BTNL9: variants seen among roughly 807,000 people sequenced by gnomAD.
BTNL9 encodes butyrophilin like 9, also known as butyrophilin-like protein 9.
A neutral mutation model predicts 45.8 loss-of-function variants in BTNL9; 45 were observed. The observed-to-expected ratio is 0.98, with a 90% CI of 0.77 to 1.26. BTNL9 has a LOEUF of 1.26. BTNL9 is among the 50% of genes most tolerant of loss of function. The pLI, the probability that BTNL9 is intolerant of heterozygous loss-of-function variation, is 0.00. For synonymous variants in BTNL9, 346 were observed against 330.8 expected, an observed-to-expected ratio of 1.05 and a Z score of -0.50; for missense variants, 784 against 729.7, an observed-to-expected ratio of 1.07 and a Z score of -0.86.
At chr5:181,052,276 G>A (rs1336539103) in intron 4 of BTNL9, among the ~76,000 whole-genome samples, 1 of 152,224 alleles carries the variant, frequency 6.6e-6, no homozygotes, top group Non-Finnish European at 1.5e-5. Flanking sequence ...GAGGAGTCAA[G>A]TCCACAGGGA....
In BTNL9 at chr5:181,053,267, C is replaced by T. The variant is rs770943149; in HGVS notation, c.804C>T (p.Val268=). ...AFVATLPLLL[V]LAALALGVLR... is the part of the protein sequence containing the mutation. The stretch of plus-strand genomic sequence containing the variant: ...TCGCGACCCTGCCGCTGCTGTTGGT[C>T]CTCGCGGCGCTGGCGCTGGGCGTCC... The change falls in exon 5 of 11, where the codon GTC becomes GTT. Residue 268 remains valine, a synonymous_variant. Coordinates refer to ENST00000327705, the MANE Select transcript of BTNL9 (RefSeq NM_152547.5). This position sits in a 1 kb window ranked among gnomAD's most constrained non-coding sequence, Gnocchi z 6.5. 6.3e-7 allele frequency: 1 copy of T among 1,587,676 alleles called. No homozygotes were observed. Among genetic ancestry groups the T allele is most frequent in the Non-Finnish European group, 8.6e-7 (1 of 1,168,350 alleles).
Position 181,045,570 on chromosome 5 carries a change from C to G in BTNL9, c.81C>G (p.Leu27=), listed in dbSNP as rs138527915. ...TSSLVFLMHL[L]LLQPGEPSSE... ...GTCTTGTCTTCCTCATGCACCTCCT[C>G]CTCCTTCAGCCTGGGGAGCCGAGCT... is the stretch of plus-strand genomic sequence containing the variant. Residue 27 remains leucine (L), a synonymous_variant, in exon 2 of 11, where the codon CTC becomes CTG. Transcript: ENST00000327705. 9.7e-5 allele frequency: 157 copies of G among 1,612,642 alleles called. No individual in the cohort carries two copies. The African/African-American group carries it at 1.7e-3, about 18-fold the overall frequency.
At position 181,048,290 on chromosome 5, in the gene BTNL9, G is replaced by C; in HGVS notation, c.454+19G>C. 1.3e-6 allele frequency: 2 copies of C among 1,579,632 alleles called. No homozygotes were observed. Among genetic ancestry groups the C allele is most frequent in the Non-Finnish European group, 1.7e-6 (2 of 1,154,402 alleles). On this transcript the variant is annotated intron_variant, in intron 3 of 10. Coordinates refer to ENST00000327705, the MANE Select transcript of BTNL9 (RefSeq NM_152547.5). ...GTAGCAGGTGCGTGGACTGACCTAA[G>C]GCCCTGCAGAGGAGAGGGAGATCCA...
chr5:181,047,569 AT>A, intron 2 of BTNL9: 1 of 907,858 alleles, frequency 1.1e-6, no homozygotes, highest in Non-Finnish European at 1.3e-6. Context: ...TTAAGATAAT[AT>A]TCTACAGATT....
intron 3 of BTNL9, among the ~76,000 whole-genome samples, chr5:181,048,906 TATATA>T (rs1761380711): frequency 1.4e-5 from 1 of 70,378 alleles, no homozygotes; most frequent in Admixed American, 1.6e-4. Context: ...TATATAAATA[TATATA>T]ATATAAAAAT....
In BTNL9 at chr5:181,047,934, G is replaced by T; in HGVS notation, c.117G>T (p.Lys39Asn). The change falls in exon 3 of 11, where the codon AAG becomes AAT. Residue 39 changes from lysine (K) to asparagine (N), a missense_variant. Physicochemically the swap from Lys to Asn is moderately conservative, Grantham distance 94. Coordinates refer to ENST00000327705, the MANE Select transcript of BTNL9 (RefSeq NM_152547.5). Reference sequence around the variant, plus strand: ...TCTGACTTGTCATCCTAGAGGTCAAGGTGCTAGGCCCTGAGTATCCCATCC... The same window carrying T: ...TCTGACTTGTCATCCTAGAGGTCAATGTGCTAGGCCCTGAGTATCCCATCC... ...LQPGEPSSEV[K>N]VLGPEYPILA... is the part of the protein sequence containing the mutation. 1 of 1,612,928 alleles carries T rather than the reference G, an allele frequency of 6.2e-7. No homozygotes were observed. The highest frequency in any genetic ancestry group is 8.5e-7 in the Non-Finnish European group (1 of 1,179,248).
At chr5:181,048,754 G>T (rs1310763608) in intron 3 of BTNL9, among the ~76,000 whole-genome samples, 6 of 74,408 alleles carry the variant, frequency 8.1e-5, no homozygotes, top group Non-Finnish European at 1.7e-4. Flanking sequence ...TATATATATA[G>T]ATATAGATAT....
Position 181,060,116 on chromosome 5 carries a change from A to G in BTNL9, c.*254A>G. On this transcript the variant is annotated 3_prime_UTR_variant, in exon 11 of 11. Coordinates refer to ENST00000327705, the MANE Select transcript of BTNL9 (RefSeq NM_152547.5). Reference sequence around the variant, plus strand: ...GTACAAATATATCCACGTCGCTCAGAGCTGGGGTGCTCACGGTGGGCGGTG... The same window carrying G: ...GTACAAATATATCCACGTCGCTCAGGGCTGGGGTGCTCACGGTGGGCGGTG... The G allele has an allele frequency of 2.2e-6, 1 of 463,178 alleles. No individual in the cohort carries two copies. Among genetic ancestry groups the G allele is most frequent in the South Asian group, 5.3e-5 (1 of 18,796 alleles). The allele number at this position is 463,178 out of a possible 1,614,324, so 28.7% of individuals were successfully genotyped here.
At chr5:181,047,902 T>C (rs1258698761) in intron 2 of BTNL9, 25 bp from the exon 3 acceptor site, 1 of 1,594,260 alleles carries the variant, frequency 6.3e-7, no homozygotes, top group Non-Finnish European at 8.6e-7. Flanking sequence ...GGGTTGCTTT[T>C]GCCTGTTCTG....
intron 2 of BTNL9, chr5:181,047,469 C>T: frequency 1.0e-6 from 1 of 988,858 alleles, no homozygotes; most frequent in Non-Finnish European, 1.2e-6. Flanking sequence ...TATCTATTCT[C>T]ATCATGCAGA....
At chr5:181,048,805 A>ATAT (rs1761356720) in intron 3 of BTNL9, among the ~76,000 whole-genome samples, 5 of 35,554 alleles carry the variant, frequency 1.4e-4, no homozygotes, top group Non-Finnish European at 3.2e-4. Context: ...TATATATTAT[A>ATAT]TAATTATATT....
chr5:181,040,807 G>T (rs1169381322), intron 1 of BTNL9, among the ~76,000 whole-genome samples: 1 of 152,240 alleles, frequency 6.6e-6, no homozygotes, highest in Non-Finnish European at 1.5e-5. Context: ...GTCTGCCGGG[G>T]GGAAGGGCAT....
At position 181,055,860 on chromosome 5, in the gene BTNL9, A is replaced by C. The variant is rs1337590860; in HGVS notation, c.929-129A>C. ...CATCTCCCAACCAGGTATGATGCCC[A>C]GGCAGGACCCCTGCTGGCTATGTGG... is the stretch of plus-strand genomic sequence containing the variant. On this transcript the variant is annotated intron_variant, in intron 8 of 10. Transcript: ENST00000327705. This position sits in a 1 kb window ranked among gnomAD's most constrained non-coding sequence, Gnocchi z 4.4. 9.4e-7 allele frequency: 1 copy of C among 1,058,284 alleles called. No individual in the cohort carries two copies. Among genetic ancestry groups the C allele is most frequent in the Non-Finnish European group, 1.5e-6 (1 of 673,282 alleles). 65.6% of individuals were successfully genotyped at this position (1,058,284 alleles called of 1,614,324 possible). A position where few individuals can be genotyped will look rare whatever the true frequency, so the allele number is the denominator to read the frequency against.
At chr5:181,045,862 A>G (rs1761098152) in intron 2 of BTNL9, among the ~76,000 whole-genome samples, 1 of 101,104 alleles carries the variant, frequency 9.9e-6, no homozygotes, top group Admixed American at 9.7e-5. Flanking sequence ...CCCAGCCTGT[A>G]GTGTTCCTCC....
At chr5:181,057,166 T>C (rs1761927928) in intron 9 of BTNL9, 1 of 152,218 alleles carries the variant, frequency 6.6e-6, no homozygotes, top group African/African-American at 2.4e-5. Flanking sequence ...ACATAATCCA[T>C]CAACTTTTTC....
chr5:181,048,010 C>G lies in BTNL9; in HGVS notation c.193C>G (p.Leu65Val), dbSNP rs535507447. 4.2e-5 allele frequency: 67 copies of G among 1,613,714 alleles called. No individual in the cohort carries two copies. In the Middle Eastern group the frequency reaches 6.6e-4, roughly 16 times the overall value. ...VEFPCHLWPQ[L>V]DAQQMEIRWF... is the part of the protein sequence containing the mutation. ...GTTCCCGTGCCACCTATGGCCACAG[C>G]TGGATGCCCAGCAAATGGAGATCCG... Residue 65 changes from leucine (L) to valine (V), a missense_variant, in exon 3 of 11, where the codon CTG becomes GTG. Transcript: ENST00000327705.
intron 7 of BTNL9, 37 bp downstream of exon 7, chr5:181,054,296 A>C: frequency 6.2e-7 from 1 of 1,608,050 alleles, no homozygotes. Context: ...GCTGCCTGTC[A>C]GCCGGACCCT....
At chr5:181,052,991 C>T (rs574112212) in intron 4 of BTNL9, 1,996 of 136,002 alleles carry the variant, frequency 0.015, 51 homozygotes, top group African/African-American at 0.056. Flanking sequence ...TCCCGCACGC[C>T]CCGCGGCGCG....
In BTNL9 at chr5:181,059,589, C is replaced by T; in HGVS notation, c.1335C>T (p.Pro445=). 1.9e-6 allele frequency: 3 copies of T among 1,613,012 alleles called. No homozygotes were observed. Among genetic ancestry groups the T allele is most frequent in the Non-Finnish European group, 2.5e-6 (3 of 1,179,874 alleles). The part of the protein sequence containing the change: ...PHRVALTLRV[P]PRRLGVFLDY... Reference sequence around the variant, plus strand: ...GCGTCGCGCTCACCCTGCGCGTGCCCCCGCGGCGCCTGGGCGTCTTCCTGG... The same window carrying T: ...GCGTCGCGCTCACCCTGCGCGTGCCTCCGCGGCGCCTGGGCGTCTTCCTGG... The change falls in exon 11 of 11, where the codon CCC becomes CCT. Residue 445 remains proline (P), a synonymous_variant. Transcript: ENST00000327705.
Sources: allele counts gnomAD v4.1 joint callset (sites outside exome capture counted in the v4.1 genomes callset), GRCh38; gene constraint gnomAD v4.1.1; non-coding constraint Gnocchi (gnomAD v3.1); transcripts MANE v1.5; gene names NCBI Gene and HGNC (gene_info 2026-07-23, HGNC 2026-07-21).